The following RASGRP3 variants were observed in gnomAD, a reference collection of about 807,000 sequenced individuals.
RASGRP3 encodes the protein ras guanyl-releasing protein 3.
Under a neutral mutation model 82.7 loss-of-function variants are expected in RASGRP3, and 54 were observed. The ratio of observed to expected loss-of-function variants is 0.65; its 90% CI spans 0.52 to 0.82. The LOEUF is 0.82. Ranked by LOEUF, RASGRP3 falls within the 40% of genes least tolerant of loss-of-function variation. The pLI is 0.00. For synonymous variants in RASGRP3, 309 were observed against 300.5 expected (o/e 1.03, Z -0.29); for missense variants, 861 against 828.9 (o/e 1.04, Z -0.48).
chr2:33,505,865 T>A (rs1049746680), intron 1 of RASGRP3, among the ~76,000 whole-genome samples: 1 of 152,184 alleles, frequency 6.6e-6, no homozygotes, highest in Non-Finnish European at 1.5e-5. Flanking sequence ...TATGTTCGGC[T>A]GCAGCCAAAT....
At chr2:33,516,233 C>A (rs1254983170) in intron 3 of RASGRP3, among the ~76,000 whole-genome samples, 2 of 152,112 alleles carry the variant, frequency 1.3e-5, no homozygotes, top group African/African-American at 4.8e-5. Context: ...TATGGTGAAA[C>A]CCCGTCTCTA....
At chr2:33,474,644 C>T (rs1321756329), upstream of RASGRP3, among the ~76,000 whole-genome samples, 1 of 152,136 alleles carries the variant, frequency 6.6e-6, no homozygotes, top group Non-Finnish European at 1.5e-5. Context: ...AGAAGTGCCC[C>T]CTGTCTGTCT....
chr2:33,478,632 A>G (rs1368633699), intron 1 of RASGRP3, among the ~76,000 whole-genome samples: 2 of 152,260 alleles, frequency 1.3e-5, no homozygotes, highest in African/African-American at 4.8e-5. Flanking sequence ...ATAATAAAAA[A>G]TAATGATTTT....
intron 14 of RASGRP3, among the ~76,000 whole-genome samples, chr2:33,550,427 A>G (rs955091499): frequency 6.6e-6 from 1 of 152,206 alleles, no homozygotes; most frequent in African/African-American, 2.4e-5. Flanking sequence ...ACTGACTGTC[A>G]GCCCTGTGCT....
intron 12 of RASGRP3, among the ~76,000 whole-genome samples, chr2:33,540,990 C>G: frequency 6.8e-6 from 1 of 146,650 alleles, no homozygotes. Context: ...TCCCAAAATA[C>G]TTGCAACACA....
intron 1 of RASGRP3, among the ~76,000 whole-genome samples, chr2:33,490,401 C>G (rs745667887): frequency 7.2e-5 from 11 of 152,234 alleles, no homozygotes; most frequent in Non-Finnish European, 1.5e-4. Context: ...TTCTGTAAAA[C>G]TACCTTTGTC....
At chr2:33,448,634 G>T (rs1665625384) in intron 2 of RASGRP3, among the ~76,000 whole-genome samples, 1 of 152,016 alleles carries the variant, frequency 6.6e-6, no homozygotes, top group Non-Finnish European at 1.5e-5. Context: ...GAAACAGAAA[G>T]TAGATTAGAG....
intron 1 of RASGRP3, among the ~76,000 whole-genome samples, chr2:33,493,828 T>C (rs1669071511): frequency 6.6e-6 from 1 of 151,892 alleles, no homozygotes; most frequent in African/African-American, 2.4e-5. Context: ...AAAAAATAGG[T>C]GCCCTCAAAA....
At chr2:33,542,094 A>C (rs924157311) in intron 12 of RASGRP3, among the ~76,000 whole-genome samples, 3 of 146,988 alleles carry the variant, frequency 2.0e-5, no homozygotes, top group Admixed American at 1.4e-4. Context: ...CAACAGAGTG[A>C]GATCCTGTCT....
At chr2:33,536,316 A>T (rs1212636796) in intron 11 of RASGRP3, among the ~76,000 whole-genome samples, 33 of 74,712 alleles carry the variant, frequency 4.4e-4, no homozygotes, top group Middle Eastern at 7.0e-3. Flanking sequence ...AAAAAAATTT[A>T]AAAAAGAAAA....
chr2:33,550,883 G>A (rs1023380020), intron 14 of RASGRP3, among the ~76,000 whole-genome samples: 1 of 152,168 alleles, frequency 6.6e-6, no homozygotes, highest in African/African-American at 2.4e-5. Flanking sequence ...CCTCAAAGAC[G>A]GCCCCAGGTG....
intron 2 of RASGRP3, among the ~76,000 whole-genome samples, chr2:33,514,639 CGCACTACT>C (rs1467928556): frequency 7.3e-5 from 11 of 151,466 alleles, no homozygotes; most frequent in Admixed American, 1.3e-4. Context: ...GAGCCGAGAT[CGCACTACT>C]GCACTCCTGT....
At chr2:33,469,817 T>C (rs993370584) in intron 2 of RASGRP3, among the ~76,000 whole-genome samples, 4 of 152,254 alleles carry the variant, frequency 2.6e-5, no homozygotes, top group Non-Finnish European at 1.5e-5. Context: ...GTGTATGGCA[T>C]GAAGTAATGA....
intron 17 of RASGRP3, among the ~76,000 whole-genome samples, chr2:33,562,280 T>C (rs1676755237): frequency 6.6e-6 from 1 of 150,698 alleles, no homozygotes; most frequent in East Asian, 1.9e-4. Context: ...TTTTTTTTTT[T>C]TTTTTCTGAG....
chr2:33,499,262 A>G (rs1412514459), intron 1 of RASGRP3, among the ~76,000 whole-genome samples: 2 of 152,214 alleles, frequency 1.3e-5, no homozygotes, highest in Middle Eastern at 6.8e-3. Flanking sequence ...CACTCTATAC[A>G]GTGATTGAAA....
At chr2:33,482,750 A>G (rs1050831125) in intron 1 of RASGRP3, 2 of 152,244 alleles carry the variant, frequency 1.3e-5, no homozygotes, top group African/African-American at 4.8e-5. Context: ...TCATAAAAAT[A>G]GCAGTGCATG....
intron 6 of RASGRP3, 84 bp downstream of exon 6, chr2:33,520,768 C>T: frequency 1.3e-6 from 2 of 1,534,388 alleles, no homozygotes; most frequent in Admixed American, 1.8e-5. Flanking sequence ...TGTTCTGAGT[C>T]CATCCCACTC....
intron 17 of RASGRP3, among the ~76,000 whole-genome samples, chr2:33,560,933 C>A (rs1327820472): frequency 6.6e-6 from 1 of 152,126 alleles, no homozygotes; most frequent in Non-Finnish European, 1.5e-5. Context: ...GGTAAGATAT[C>A]CTGATCATTA....
chr2:33,520,370 G>A (rs925020628), intron 5 of RASGRP3, among the ~76,000 whole-genome samples, 183 bp from the exon 6 acceptor site: 18 of 152,234 alleles, frequency 1.2e-4, no homozygotes, highest in African/African-American at 4.1e-4. Context: ...TTAGATTGAA[G>A]GAGGGCAGAG....
Sources: gnomAD v4.1 joint callset for allele counts (sites outside exome capture counted in the v4.1 genomes callset) on GRCh38, gnomAD v4.1.1 for gene constraint, MANE v1.5 for transcripts, NCBI Gene and HGNC (gene_info 2026-07-23, HGNC 2026-07-21) for gene names.